The following LPL variants were observed in gnomAD, a reference collection of about 807,000 sequenced individuals.
LPL encodes lipoprotein lipase, also known as phospholipase A1.
In LPL, 43 loss-of-function variants were observed where a neutral mutation model predicts 52.2. The ratio of observed to expected loss-of-function variants is 0.82; its 90% confidence interval spans 0.64 to 1.06. LPL has a LOEUF of 1.06. LPL is among the 50% of genes least tolerant of loss of function. The pLI, the probability that LPL is intolerant of heterozygous loss-of-function variation, is 0.00. For missense variants in LPL, 639 were observed against 585.3 expected, an observed-to-expected ratio of 1.09 and a Z score of -0.95; for synonymous variants, 244 against 215.6, an observed-to-expected ratio of 1.13 and a Z score of -1.15.
At chr8:19,940,260 T>C (rs900774337) in intron 1 of LPL, among the ~76,000 whole-genome samples, 19 of 152,228 alleles carry the variant, frequency 1.2e-4, no homozygotes, top group African/African-American at 4.6e-4. Context: ...AGCGAGGGGC[T>C]GACCCTCCCG....
At chr8:19,961,142 G>C in intron 8 of LPL, 59 bp downstream of exon 8, 1 of 1,514,886 alleles carries the variant, frequency 6.6e-7, no homozygotes, top group Non-Finnish European at 9.1e-7. Flanking sequence ...CAGGACCTAG[G>C]GGCTGTATTT....
chr8:19,954,864 C>G (rs1393183152), intron 5 of LPL, among the ~76,000 whole-genome samples: 1 of 152,072 alleles, frequency 6.6e-6, no homozygotes, highest in Non-Finnish European at 1.5e-5. Flanking sequence ...TATTCTATTG[C>G]CCAAGCTGGG....
rs1237551778 is a variant in LPL, at chr8:19,944,448, G to T, written c.89-3732G>T. On this transcript the variant is annotated intron_variant, in intron 1 of 9. Coordinates refer to ENST00000650287, the MANE Select transcript of LPL (RefSeq NM_000237.3). The surrounding 1 kb of genome is among the most constrained non-coding windows in gnomAD (Gnocchi z 4.2). Reference sequence around the variant, plus strand: ...GAAGCCCTGTAGGAGTGAGAGAAAAGGGGGGAGAGAGAGAGAAAGGGGTGG... The same window carrying T: ...GAAGCCCTGTAGGAGTGAGAGAAAATGGGGGAGAGAGAGAGAAAGGGGTGG... 6.8e-6 allele frequency among the ~76,000 whole-genome samples: 1 copy of T among 147,668 alleles called. No individual in the cohort carries two copies. The highest frequency in any genetic ancestry group is 1.5e-5 in the Non-Finnish European group (1 of 67,094).
chr8:19,955,771 G>C, intron 5 of LPL, 70 bp from the exon 6 acceptor site: 1 of 1,600,032 alleles, frequency 6.2e-7, no homozygotes, highest in Non-Finnish European at 8.6e-7. Flanking sequence ...ACCTATTTTA[G>C]ACATGCCAAA....
intron 1 of LPL, among the ~76,000 whole-genome samples, chr8:19,940,660 G>A (rs917842976): frequency 1.3e-5 from 2 of 152,264 alleles, no homozygotes; most frequent in African/African-American, 4.8e-5. Context: ...CAATTAGGGC[G>A]GTGTCGCTTG....
At chr8:19,947,897 G>A (rs1428046046) in intron 1 of LPL, among the ~76,000 whole-genome samples, 9 of 152,034 alleles carry the variant, frequency 5.9e-5, no homozygotes, top group African/African-American at 1.4e-4. Flanking sequence ...AATCACAAAC[G>A]TACACACACA....
chr8:19,954,458 T>C, intron 5 of LPL, 105 bp downstream of exon 5: 1 of 1,103,162 alleles, frequency 9.1e-7, no homozygotes, highest in South Asian at 1.4e-5. Flanking sequence ...CATATACACA[T>C]TTGGCCAAAT....
rs1190787790 is a variant in LPL at position 19,944,944 on chromosome 8, G to A, written c.89-3236G>A. 1.3e-5 allele frequency among the ~76,000 whole-genome samples: 2 copies of A among 152,030 alleles called. No homozygotes were observed. Among genetic ancestry groups the A allele is most frequent in the Non-Finnish European group, 2.9e-5 (2 of 67,980 alleles). On this transcript the variant is annotated intron_variant, in intron 1 of 9. Coordinates refer to ENST00000650287, the MANE Select transcript of LPL (RefSeq NM_000237.3). This position sits in a 1 kb window ranked among gnomAD's most constrained non-coding sequence, Gnocchi z 4.2. Reference sequence around the variant, plus strand: ...ATGCTAAGTTAAATTCAGAATGAAGGCCTGCCTTTCCTTCCCTCCTTCCTT... The same window carrying A: ...ATGCTAAGTTAAATTCAGAATGAAGACCTGCCTTTCCTTCCCTCCTTCCTT...
chr8:19,959,579 T>G (rs2070018937), intron 7 of LPL, among the ~76,000 whole-genome samples, 199 bp downstream of exon 7: 1 of 152,182 alleles, frequency 6.6e-6, no homozygotes, highest in Non-Finnish European at 1.5e-5. Context: ...TTTCACTTAC[T>G]AGTTATATTT....
intron 1 of LPL, among the ~76,000 whole-genome samples, chr8:19,947,648 A>C (rs2128836842): frequency 7.5e-6 from 1 of 133,974 alleles, no homozygotes; most frequent in African/African-American, 3.0e-5. Context: ...ACAAAACAAA[A>C]CAAAACAACC....
At chr8:19,954,667 T>C (rs1195518133) in intron 5 of LPL, among the ~76,000 whole-genome samples, 1 of 152,218 alleles carries the variant, frequency 6.6e-6, no homozygotes, top group Non-Finnish European at 1.5e-5. Flanking sequence ...GGCCACATGT[T>C]GTCATACCTT....
At chr8:19,957,410 G>A (rs990116473) in intron 6 of LPL, among the ~76,000 whole-genome samples, 2 of 152,160 alleles carry the variant, frequency 1.3e-5, no homozygotes, top group African/African-American at 2.4e-5. Flanking sequence ...GTCTTTCGTG[G>A]TATAGAGGTT....
At chr8:19,965,263 A>C in intron 9 of LPL, 47 bp from the exon 10 acceptor site, 1 of 779,990 alleles carries the variant, frequency 1.3e-6, no homozygotes, top group Non-Finnish European at 2.4e-6. Flanking sequence ...GAATTGTAAA[A>C]CACTCAGAAG....
intron 9 of LPL, 74 bp downstream of exon 9, chr8:19,962,293 C>A: frequency 9.3e-7 from 1 of 1,080,126 alleles, no homozygotes; most frequent in Non-Finnish European, 1.4e-6. Flanking sequence ...ATGCATTCCT[C>A]TTCACCCCAT....
chr8:19,951,342 C>T (rs2069932496), intron 2 of LPL, among the ~76,000 whole-genome samples: 1 of 152,174 alleles, frequency 6.6e-6, no homozygotes, highest in Admixed American at 6.5e-5. Context: ...GGGTGCCCAA[C>T]ACCCCAACCT....
At chr8:19,951,555 T>A in intron 2 of LPL, 1 of 637,212 alleles carries the variant, frequency 1.6e-6, no homozygotes, top group Non-Finnish European at 2.8e-6. Context: ...CTGCCGTTCC[T>A]CAACTCAACT....
intron 1 of LPL, among the ~76,000 whole-genome samples, 187 bp from the exon 2 acceptor site, chr8:19,947,991 GTC>G (rs1275461865): frequency 6.6e-6 from 1 of 152,190 alleles, no homozygotes; most frequent in Non-Finnish European, 1.5e-5. Context: ...AGTTAAGGTT[GTC>G]TCTCTGTCAA....
intron 9 of LPL, 108 bp downstream of exon 9, chr8:19,962,327 T>C (rs1011484143): frequency 4.9e-6 from 4 of 814,286 alleles, no homozygotes; most frequent in African/African-American, 3.3e-5. Flanking sequence ...CCCTGACTCA[T>C]GTGATCAAAG....
chr8:19,939,254 T>A lies in LPL; in HGVS notation c.-187T>A, dbSNP rs2069806941. ...AAGCAGCCTTGGCGTGAAAACAGTG[T>A]CAGACTCGATTCCCCCTCTTCCTCC... On this transcript the variant is annotated 5_prime_UTR_variant, in exon 1 of 10. Transcript: ENST00000650287. The surrounding 1 kb of genome is among the most constrained non-coding windows in gnomAD (Gnocchi z 4.0). 1 of 611,092 alleles carries A rather than the reference T, an allele frequency of 1.6e-6. No individual in the cohort carries two copies. Among genetic ancestry groups the A allele is most frequent in the Non-Finnish European group, 2.9e-6 (1 of 341,508 alleles). The allele number at this position is 611,092 out of a possible 1,614,324, so 37.9% of individuals were successfully genotyped here.
Sources: allele counts gnomAD v4.1 joint callset (sites outside exome capture counted in the v4.1 genomes callset), GRCh38; gene constraint gnomAD v4.1.1; non-coding constraint Gnocchi (gnomAD v3.1); transcripts MANE v1.5; gene names NCBI Gene and HGNC (gene_info 2026-07-23, HGNC 2026-07-21).